Variants in EPS8 observed in about 807,000 individuals in gnomAD.
EPS8 encodes epidermal growth factor receptor kinase substrate 8.
Under a neutral mutation model 103.8 loss-of-function variants are expected in EPS8, and 42 were observed. That is an observed-to-expected ratio of 0.40 (90% CI 0.32 to 0.52). EPS8 has a LOEUF of 0.52. EPS8 is among the 20% of genes least tolerant of loss of function. The pLI, the probability that EPS8 is intolerant of heterozygous loss-of-function variation, is 0.40. For synonymous variants in EPS8, 344 were observed against 344.6 expected (o/e 1.00, Z 0.02); for missense variants, 969 against 1,005.1 (o/e 0.96, Z 0.49).
At chr12:15,682,141 G>C (rs1946019254) in intron 2 of EPS8, among the ~76,000 whole-genome samples, 1 of 152,114 alleles carries the variant, frequency 6.6e-6, no homozygotes, top group South Asian at 2.1e-4. Context: ...GTGAGGAAAA[G>C]GTACGTGGAA....
intron 17 of EPS8, among the ~76,000 whole-genome samples, chr12:15,638,495 T>C (rs542683539): frequency 2.0e-5 from 3 of 152,304 alleles, no homozygotes; most frequent in Admixed American, 1.3e-4. Context: ...CTGAACAGCA[T>C]ACGCTTCTGC....
intron 8 of EPS8, 40 bp downstream of exon 8, chr12:15,665,716 A>G (rs754027147): frequency 6.2e-7 from 1 of 1,608,446 alleles, no homozygotes; most frequent in African/African-American, 1.3e-5. Flanking sequence ...TCCCAACCCA[A>G]AGTAAGTGTT....
intron 1 of EPS8, among the ~76,000 whole-genome samples, chr12:15,741,065 G>C (rs1946816193): frequency 6.6e-6 from 1 of 152,166 alleles, no homozygotes; most frequent in African/African-American, 2.4e-5. Flanking sequence ...CCCAGAGAGA[G>C]GGGTATATCT....
intron 12 of EPS8, 121 bp from the exon 13 acceptor site, chr12:15,654,414 A>G: frequency 1.2e-6 from 1 of 853,838 alleles, no homozygotes; most frequent in Non-Finnish European, 1.9e-6. Context: ...TTAACTTTTG[A>G]TGCTGTGCAA....
chr12:15,756,049 T>C (rs542309489), intron 1 of EPS8, among the ~76,000 whole-genome samples: 1 of 152,324 alleles, frequency 6.6e-6, no homozygotes, highest in East Asian at 1.9e-4. Flanking sequence ...TATAACACCA[T>C]TTTACTTGGC....
rs1012813608 is a variant in EPS8 at position 15,727,675 on chromosome 12, C to T, written c.-21-44703G>A. Among the ~76,000 whole-genome samples, 43 of 151,990 alleles carry T rather than the reference C, an allele frequency of 2.8e-4. No homozygotes were observed. Among genetic ancestry groups the T allele is most frequent in the African/African-American group, 9.7e-4 (40 of 41,366 alleles). On this transcript the variant is annotated intron_variant, in intron 1 of 20. Coordinates refer to ENST00000281172, the MANE Select transcript of EPS8 (RefSeq NM_004447.6). This position sits in a 1 kb window ranked among gnomAD's most constrained non-coding sequence, Gnocchi z 4.3. ...GAGTTCGAGACCAGCCTGACCAACACGGTGAAACCCCGTCTCTACTAAAAA... is the reference window on the plus strand; with the variant it reads ...GAGTTCGAGACCAGCCTGACCAACATGGTGAAACCCCGTCTCTACTAAAAA...
rs920475395 is a variant in EPS8, at chr12:15,683,203, T to C, written c.-21-231A>G. ...TGCTAAAATTATAAGCAGATTTAGG[T>C]GAACAAAAGAAAAATCTAAAATATA... is the stretch of plus-strand genomic sequence containing the variant. On this transcript the variant is annotated intron_variant, in intron 1 of 20. Coordinates refer to ENST00000281172, the MANE Select transcript of EPS8 (RefSeq NM_004447.6). The C allele has an allele frequency of 3.3e-5, 10 of 301,230 alleles. No individual in the cohort carries two copies. The South Asian group carries it at 5.2e-4, about 16-fold the overall frequency. 18.7% of individuals were successfully genotyped at this position (301,230 alleles called of 1,614,324 possible).
chr12:15,636,851 G>C (rs1945143957), intron 17 of EPS8, among the ~76,000 whole-genome samples: 1 of 152,154 alleles, frequency 6.6e-6, no homozygotes, highest in African/African-American at 2.4e-5. Flanking sequence ...GAAATCCAGT[G>C]AATGGATACA....
Position 15,735,649 on chromosome 12 carries a change from T to C in EPS8, c.-21-52677A>G, listed in dbSNP as rs752094454. Among the ~76,000 whole-genome samples, 6 of 152,214 alleles carry C rather than the reference T, an allele frequency of 3.9e-5. No individual in the cohort carries two copies. The highest frequency in any genetic ancestry group is 5.9e-5 in the Non-Finnish European group (4 of 68,034). ...CATTTAAGTACTTCTTCTATGTAGA[T>C]GTGCATGTATATTGAGCTCAAAGCC... On this transcript the variant is annotated intron_variant, in intron 1 of 20. Transcript: ENST00000281172. This position sits in a 1 kb window ranked among gnomAD's most constrained non-coding sequence, Gnocchi z 4.4.
Position 15,734,697 on chromosome 12 carries a change from C to T in EPS8, c.-21-51725G>A, listed in dbSNP as rs1018341986. Among the ~76,000 whole-genome samples, 1 of 151,772 alleles carries T rather than the reference C, an allele frequency of 6.6e-6. No individual in the cohort carries two copies. The highest frequency in any genetic ancestry group is 6.6e-5 in the Admixed American group (1 of 15,232). Reference sequence around the variant, plus strand: ...CGACAGAGCGAGACTCCGTACAGAGCGAGACTCTGTCTCAAAAACAAAAAA... The same window carrying T: ...CGACAGAGCGAGACTCCGTACAGAGTGAGACTCTGTCTCAAAAACAAAAAA... On this transcript the variant is annotated intron_variant, in intron 1 of 20. Coordinates refer to ENST00000281172, the MANE Select transcript of EPS8 (RefSeq NM_004447.6). This position sits in a 1 kb window ranked among gnomAD's most constrained non-coding sequence, Gnocchi z 4.1.
intron 3 of EPS8, chr12:15,672,361 T>C (rs1235248933): frequency 7.6e-6 from 3 of 396,606 alleles, no homozygotes; most frequent in Admixed American, 4.4e-5. Context: ...GTATCAATAT[T>C]ACTCTGATAT....
chr12:15,755,937 G>T (rs1946982097), intron 1 of EPS8, among the ~76,000 whole-genome samples: 1 of 152,048 alleles, frequency 6.6e-6, no homozygotes, highest in Non-Finnish European at 1.5e-5. Context: ...TTCCAGAACT[G>T]ATTTGTATTT....
chr12:15,765,554 GA>G (rs762169952), intron 1 of EPS8, among the ~76,000 whole-genome samples: 3 of 150,684 alleles, frequency 2.0e-5, no homozygotes, highest in Admixed American at 6.6e-5. Flanking sequence ...CTTTCAGTAA[GA>G]AAAAAAAATT....
intron 8 of EPS8, chr12:15,665,108 T>C (rs1945684752): frequency 6.6e-6 from 1 of 152,224 alleles, no homozygotes; most frequent in Non-Finnish European, 1.5e-5. Flanking sequence ...AAAGGGACTC[T>C]AGTTAGATAA....
At chr12:15,756,579 T>A (rs1401322261) in intron 1 of EPS8, among the ~76,000 whole-genome samples, 2 of 152,118 alleles carry the variant, frequency 1.3e-5, no homozygotes, top group Non-Finnish European at 2.9e-5. Context: ...TATATAGAAT[T>A]TACCCAATCA....
chr12:15,692,915 G>A (rs988770959), intron 1 of EPS8, among the ~76,000 whole-genome samples: 3 of 152,022 alleles, frequency 2.0e-5, no homozygotes, highest in East Asian at 1.9e-4. Context: ...TGATCTTTCT[G>A]AGAATATCCA....
At chr12:15,650,050 C>T (rs902463815) in intron 14 of EPS8, among the ~76,000 whole-genome samples, 1 of 152,126 alleles carries the variant, frequency 6.6e-6, no homozygotes, top group East Asian at 1.9e-4. Flanking sequence ...TTCCAACAAA[C>T]AAGAAGAGTC....
chr12:15,708,916 G>A (rs1011744745), intron 1 of EPS8, among the ~76,000 whole-genome samples: 1 of 152,164 alleles, frequency 6.6e-6, no homozygotes, highest in African/African-American at 2.4e-5. Flanking sequence ...GAGCCACTAT[G>A]CAACATGATT....
chr12:15,654,160 G>A lies in EPS8; in HGVS notation c.1235C>T (p.Thr412Ile). Reference sequence around the variant, plus strand: ...AAATGCTTACCTGGCTTTCATCCAAGTTCCTCCCAATGACATCCACAGCTG... The same window carrying A: ...AAATGCTTACCTGGCTTTCATCCAAATTCCTCCCAATGACATCCACAGCTG... ...ERQLWMSLGG[T>I]WMKARAEWPK... Residue 412 changes from threonine (T) to isoleucine (I), a missense_variant, in exon 13 of 21, where the codon ACT becomes ATT. Physicochemically the swap from Thr to Ile is moderately conservative, Grantham distance 89. Coordinates refer to ENST00000281172, the MANE Select transcript of EPS8 (RefSeq NM_004447.6). The A allele has an allele frequency of 6.2e-7, 1 of 1,613,696 alleles. No homozygotes were observed. Among genetic ancestry groups the A allele is most frequent in the Non-Finnish European group, 8.5e-7 (1 of 1,179,752 alleles).
Sources: allele counts gnomAD v4.1 joint callset (sites outside exome capture counted in the v4.1 genomes callset), GRCh38; gene constraint gnomAD v4.1.1; non-coding constraint Gnocchi (gnomAD v3.1); transcripts MANE v1.5; gene names NCBI Gene and HGNC (gene_info 2026-07-23, HGNC 2026-07-21).